Variants in SMARCAD1 observed in about 807,000 individuals in gnomAD.
SMARCAD1 encodes SWI/SNF-related matrix-associated actin-dependent regulator of chromatin subfamily A containing DEAD/H box 1.
In SMARCAD1, 25 loss-of-function variants were observed where a neutral mutation model predicts 127.1. The ratio of observed to expected loss-of-function variants is 0.20; its 90% confidence interval spans 0.14 to 0.27. SMARCAD1 has a LOEUF of 0.27. Ranked by LOEUF, SMARCAD1 falls within the 10% of genes least tolerant of loss-of-function variation. The probability of loss-of-function intolerance (pLI) is 1.00; values close to 1 mark genes in which losing one functional copy is unlikely to be tolerated. For synonymous variants in SMARCAD1, 400 were observed against 396.9 expected, an observed-to-expected ratio of 1.01 and a Z score of -0.09; for missense variants, 807 against 1,206.0, an observed-to-expected ratio of 0.67 and a Z score of 4.90.
chr4:94,250,893 T>C, intron 8 of SMARCAD1, 60 bp downstream of exon 8: 1 of 1,330,900 alleles, frequency 7.5e-7, no homozygotes, highest in Non-Finnish European at 1.1e-6. Flanking sequence ...TTTTAGTATA[T>C]AAGAAAATGG....
At chr4:94,265,821 A>C (rs1036052571) in intron 10 of SMARCAD1, among the ~76,000 whole-genome samples, 2 of 152,054 alleles carry the variant, frequency 1.3e-5, no homozygotes, top group Admixed American at 6.6e-5. Flanking sequence ...ATGTTACACA[A>C]CTTTCAAAAT....
intron 3 of SMARCAD1, among the ~76,000 whole-genome samples, chr4:94,232,944 C>T (rs557113685): frequency 6.6e-6 from 1 of 152,238 alleles, no homozygotes; most frequent in East Asian, 1.9e-4. Context: ...GGCACCACTG[C>T]ACACCAGTCT....
In SMARCAD1 at chr4:94,252,727, T is replaced by C; in HGVS notation, c.1001T>C (p.Met334Thr). ...ACAAAACTAAAACAGAAATTTTCAA[T>C]GAAAGCACAAAATGGCTTTAACAAG... ...TKTKLKQKFS[M>T]KAQNGFNKKR... The change falls in exon 9 of 24, where the codon ATG becomes ACG. Residue 334 changes from methionine (M) to threonine (T), a missense_variant. By Grantham distance (81) the Met-to-Thr change is moderately conservative. Around this residue, in one of 8 missense-constraint regions of SMARCAD1, gnomAD observed 257 missense variants for 303.4 expected, o/e 0.85. Coordinates refer to ENST00000354268, the MANE Select transcript of SMARCAD1 (RefSeq NM_020159.5). 1 of 1,596,934 alleles carries C rather than the reference T, an allele frequency of 6.3e-7. No homozygotes were observed. Among genetic ancestry groups the C allele is most frequent in the East Asian group, 2.2e-5 (1 of 44,664 alleles).
intron 3 of SMARCAD1, among the ~76,000 whole-genome samples, chr4:94,233,503 T>G (rs1177035867): frequency 2.0e-5 from 3 of 152,200 alleles, no homozygotes; most frequent in African/African-American, 7.2e-5. Context: ...ATGGGACCAT[T>G]CTGATTTTAG....
In SMARCAD1 at chr4:94,249,765, C is replaced by T. The variant is rs764962944; in HGVS notation, c.807+10C>T. The T allele has an allele frequency of 1.8e-5, 27 of 1,466,354 alleles. No individual in the cohort carries two copies. The highest frequency in any genetic ancestry group is 8.3e-5 in the African/African-American group (6 of 71,994). 90.8% of individuals were successfully genotyped at this position (1,466,354 alleles called of 1,614,324 possible). ...CAATTTTGATAAACAGGTGAGTAGT[C>T]GTGTATGAAAATTTAATCAGTGTGT... is the stretch of plus-strand genomic sequence containing the variant. On this transcript the variant is annotated intron_variant, in intron 7 of 23. Coordinates refer to ENST00000354268, the MANE Select transcript of SMARCAD1 (RefSeq NM_020159.5).
At chr4:94,219,358 T>C (rs1319490939) in intron 2 of SMARCAD1, among the ~76,000 whole-genome samples, 1 of 152,190 alleles carries the variant, frequency 6.6e-6, no homozygotes, top group African/African-American at 2.4e-5. Context: ...TATTTCTATG[T>C]GAATTCATAA....
At position 94,290,779 on chromosome 4, in the gene SMARCAD1, A is replaced by C. The variant is rs1432417781; in HGVS notation, c.*1245A>C. ...TGTGAGTTCCATGTGTTTTGTTTTTATTATGTAAATATCATTATAAATAAA... is the reference window on the plus strand; with the variant it reads ...TGTGAGTTCCATGTGTTTTGTTTTTCTTATGTAAATATCATTATAAATAAA... On this transcript the variant is annotated 3_prime_UTR_variant, in exon 24 of 24. Transcript: ENST00000354268. 2.3e-6 allele frequency: 1 copy of C among 427,434 alleles called. No homozygotes were observed. The highest frequency in any genetic ancestry group is 2.6e-5 in the Admixed American group (1 of 37,770). The allele number at this position is 427,434 out of a possible 1,614,324, so 26.5% of individuals were successfully genotyped here.
chr4:94,268,050 A>G (rs989982691), intron 10 of SMARCAD1, among the ~76,000 whole-genome samples: 11 of 152,146 alleles, frequency 7.2e-5, no homozygotes, highest in Non-Finnish European at 1.2e-4. Context: ...AATTGGCAGC[A>G]GTTCCGTGAT....
Position 94,290,995 on chromosome 4 carries a change from T to C in SMARCAD1, c.*1461T>C, listed in dbSNP as rs1419597109. The C allele has an allele frequency of 2.2e-6, 1 of 446,500 alleles. No homozygotes were observed. Among genetic ancestry groups the C allele is most frequent in the Admixed American group, 2.4e-5 (1 of 41,208 alleles). 27.7% of individuals were successfully genotyped at this position (446,500 alleles called of 1,614,324 possible). ...AGTCTTGATGGTATATTGAACAGAC[T>C]GAATATATTTTACCATTACAGGGCT... On this transcript the variant is annotated 3_prime_UTR_variant, in exon 24 of 24. Coordinates refer to ENST00000354268, the MANE Select transcript of SMARCAD1 (RefSeq NM_020159.5).
chr4:94,246,409 G>A (rs1748429393), intron 6 of SMARCAD1, among the ~76,000 whole-genome samples: 2 of 152,100 alleles, frequency 1.3e-5, no homozygotes, highest in Non-Finnish European at 2.9e-5. Flanking sequence ...GTGAGCCAGC[G>A]TGCCCAGCCA....
intron 10 of SMARCAD1, among the ~76,000 whole-genome samples, chr4:94,269,668 T>TG (rs1752256918): frequency 6.6e-6 from 1 of 151,150 alleles, no homozygotes; most frequent in Non-Finnish European, 1.5e-5. Context: ...TTCATTCTGT[T>TG]GTTGTTGTTG....
intron 18 of SMARCAD1, 67 bp downstream of exon 18, chr4:94,278,800 C>A: frequency 1.9e-6 from 3 of 1,596,518 alleles, no homozygotes; most frequent in South Asian, 2.2e-5. Context: ...TTTGTTTAGT[C>A]ATATAATGGG....
At chr4:94,212,970 A>C (rs895698343) in intron 2 of SMARCAD1, 3 of 824,912 alleles carry the variant, frequency 3.6e-6, no homozygotes, top group Admixed American at 2.3e-5. Context: ...TCGGTGCCCA[A>C]AGTTGTCAAT....
At chr4:94,278,824 A>T (rs2125994314) in intron 18 of SMARCAD1, 91 bp downstream of exon 18, 5 of 1,598,696 alleles carry the variant, frequency 3.1e-6, no homozygotes, top group East Asian at 2.2e-5. Context: ...TGTGCATTTT[A>T]AAAAATTATC....
intron 22 of SMARCAD1, among the ~76,000 whole-genome samples, chr4:94,283,541 G>T (rs1425321085): frequency 6.6e-6 from 1 of 152,024 alleles, no homozygotes; most frequent in East Asian, 1.9e-4. Flanking sequence ...ATTAACAATT[G>T]ACGGCCGGGC....
Position 94,278,985 on chromosome 4 carries a change from C to T in SMARCAD1, c.2353C>T (p.Pro785Ser), listed in dbSNP as rs1436098748. ...GCAGTTGAGGAAAATGGCCAATCAT[C>T]CTTTATTACATCGCCAATATTACAC... ...MMQLRKMANH[P>S]LLHRQYYTAE... The change falls in exon 19 of 24, where the codon CCT becomes TCT. Residue 785 changes from proline to serine, a missense_variant. By Grantham distance (74) the Pro-to-Ser change is moderately conservative (BLOSUM62 -1). Transcript: ENST00000354268. 6.2e-7 allele frequency: 1 copy of T among 1,613,900 alleles called. No individual in the cohort carries two copies. Among genetic ancestry groups the T allele is most frequent in the Admixed American group, 1.7e-5 (1 of 59,996 alleles).
At chr4:94,258,461 T>A (rs1750453638) in intron 9 of SMARCAD1, among the ~76,000 whole-genome samples, 1 of 152,148 alleles carries the variant, frequency 6.6e-6, no homozygotes, top group African/African-American at 2.4e-5. Context: ...ACACCTCTGG[T>A]AATCTGTCAG....
At chr4:94,242,219 A>AT (rs1579149045) in intron 6 of SMARCAD1, among the ~76,000 whole-genome samples, 2 of 150,628 alleles carry the variant, frequency 1.3e-5, no homozygotes, top group Middle Eastern at 3.4e-3. Context: ...TTTTTTTTTA[A>AT]TTTTTTGTAG....
chr4:94,244,273 T>G (rs1199131595), intron 6 of SMARCAD1, among the ~76,000 whole-genome samples: 1 of 152,216 alleles, frequency 6.6e-6, no homozygotes, highest in African/African-American at 2.4e-5. Context: ...AGTGGTTGCT[T>G]TAATGATTTC....
Sources: gnomAD v4.1 joint callset for allele counts (sites outside exome capture counted in the v4.1 genomes callset) on GRCh38, gnomAD v4.1.1 for gene constraint, gnomAD v4.1.1 regional missense constraint, MANE v1.5 for transcripts, NCBI Gene and HGNC (gene_info 2026-07-23, HGNC 2026-07-21) for gene names.